SCAND3: variants seen among roughly 807,000 people sequenced by gnomAD.
The protein encoded by SCAND3 is SCAN domain containing 3.
chr6:28,573,884 AGT>A, the SCAND3 span: 2 of 1,442,070 alleles, frequency 1.4e-6, no homozygotes, highest in Admixed American at 3.4e-5. Context: ...TTCAGCTAAC[AGT>A]GTTATACCAC....
chr6:28,573,663 A>G, the SCAND3 span: 1 of 1,611,694 alleles, frequency 6.2e-7, no homozygotes, highest in East Asian at 2.2e-5. Context: ...AACCAAACTC[A>G]ATATATGAAG....
At chr6:28,598,683 AAAAATAAAATAAAAT>A in the SCAND3 span, among the ~76,000 whole-genome samples, 3,190 of 138,062 alleles carry the variant, frequency 0.023, 108 homozygotes, top group African/African-American at 0.071. Flanking sequence ...TGTTTCTACT[AAAAATAAAATAAAAT>A]AAAATAAAAT....
the SCAND3 span, chr6:28,586,330 A>G: frequency 1.4e-5 from 22 of 1,611,636 alleles, no homozygotes; most frequent in African/African-American, 2.3e-4. The surrounding 1 kb of genome is among the most constrained non-coding windows in gnomAD (Gnocchi z 4.4). Flanking sequence ...TCCCTCTCCA[A>G]ATCTTCCAGC....
the SCAND3 span, among the ~76,000 whole-genome samples, chr6:28,612,100 G>C: frequency 6.6e-6 from 1 of 151,610 alleles, no homozygotes; most frequent in Non-Finnish European, 1.5e-5. Context: ...GCAGTGGCGC[G>C]ATCTCAGCTC....
At chr6:28,573,493 CTCTT>C in the SCAND3 span, 3 of 1,613,952 alleles carry the variant, frequency 1.9e-6, no homozygotes, top group Middle Eastern at 3.3e-4. Context: ...CAATTCACTA[CTCTT>C]TCTTTCAAAG....
the SCAND3 span, among the ~76,000 whole-genome samples, chr6:28,596,478 C>T: frequency 6.6e-6 from 1 of 151,730 alleles, no homozygotes; most frequent in African/African-American, 2.4e-5. Flanking sequence ...GAATTAACAA[C>T]AGTGGTTATC....
the SCAND3 span, among the ~76,000 whole-genome samples, chr6:28,577,258 T>C: frequency 6.6e-6 from 1 of 152,150 alleles, no homozygotes; most frequent in Non-Finnish European, 1.5e-5. Context: ...AAAAACTATT[T>C]TGGAAAAAGT....
chr6:28,607,721 T>A, the SCAND3 span, among the ~76,000 whole-genome samples: 1 of 151,992 alleles, frequency 6.6e-6, no homozygotes, highest in Non-Finnish European at 1.5e-5. Flanking sequence ...TGAAGGACAA[T>A]AAAATGCTGT....
chr6:28,615,142 G>T, the SCAND3 span, among the ~76,000 whole-genome samples: 1 of 152,184 alleles, frequency 6.6e-6, no homozygotes, highest in African/African-American at 2.4e-5. Flanking sequence ...TCTCTGCACA[G>T]CCTCCTTCTC....
the SCAND3 span, among the ~76,000 whole-genome samples, chr6:28,583,382 AAAACAAAC>A: frequency 6.9e-6 from 1 of 145,442 alleles, no homozygotes; most frequent in Non-Finnish European, 1.5e-5. Flanking sequence ...ACTCTGTCTC[AAAACAAAC>A]AAACAAACAA....
the SCAND3 span, among the ~76,000 whole-genome samples, chr6:28,594,000 G>A: frequency 6.6e-6 from 1 of 152,124 alleles, no homozygotes; most frequent in African/African-American, 2.4e-5. Flanking sequence ...GATTACAGAC[G>A]TGACCCACCA....
chr6:28,575,709 C>T, the SCAND3 span: 12 of 1,614,022 alleles, frequency 7.4e-6, no homozygotes, highest in Middle Eastern at 1.7e-4. The surrounding 1 kb of genome is among the most constrained non-coding windows in gnomAD (Gnocchi z 4.2). Flanking sequence ...TCTTGTATTT[C>T]GCTTGTAACT....
At chr6:28,597,235 A>G in the SCAND3 span, among the ~76,000 whole-genome samples, 1 of 152,232 alleles carries the variant, frequency 6.6e-6, no homozygotes, top group African/African-American at 2.4e-5. Context: ...AGATACATTT[A>G]GTAATTTACT....
the SCAND3 span, among the ~76,000 whole-genome samples, chr6:28,580,457 AT>A: frequency 6.6e-6 from 1 of 151,308 alleles, no homozygotes; most frequent in South Asian, 2.1e-4. Flanking sequence ...AAAAAAAAAA[AT>A]TCTTAAACTG....
At chr6:28,607,584 G>A in the SCAND3 span, among the ~76,000 whole-genome samples, 1 of 151,520 alleles carries the variant, frequency 6.6e-6, no homozygotes, top group Non-Finnish European at 1.5e-5. Flanking sequence ...CATGGAGGTG[G>A]AATAGCAGAA....
chr6:28,587,100 AG>A, the SCAND3 span: 1 of 194,156 alleles, frequency 5.2e-6, no homozygotes, highest in Non-Finnish European at 1.1e-5. Context: ...AGATCGGAGC[AG>A]CCTGGGCGAG....
the SCAND3 span, chr6:28,573,200 T>G: frequency 2.5e-6 from 4 of 1,613,996 alleles, no homozygotes; most frequent in Non-Finnish European, 3.4e-6. Flanking sequence ...GAAAAATACT[T>G]TGCTAGTTTT....
the SCAND3 span, among the ~76,000 whole-genome samples, chr6:28,611,293 G>A: frequency 2.8e-3 from 428 of 152,220 alleles, 3 homozygotes; most frequent in Admixed American, 0.017. Context: ...ATAGACCTAT[G>A]GTTATCATCT....
the SCAND3 span, among the ~76,000 whole-genome samples, chr6:28,611,107 G>T: frequency 3.3e-5 from 5 of 152,106 alleles, no homozygotes; most frequent in Non-Finnish European, 5.9e-5. Context: ...AATGGCTATC[G>T]TCAAAATGGA....
Sources: gnomAD v4.1 joint callset for allele counts (sites outside exome capture counted in the v4.1 genomes callset) on GRCh38, gnomAD v4.1.1 for gene constraint, Gnocchi (gnomAD v3.1) non-coding constraint, MANE v1.5 for transcripts, NCBI Gene and HGNC (gene_info 2026-07-23, HGNC 2026-07-21) for gene names.